Variants in GRIK4 observed in about 807,000 individuals in gnomAD.
The protein encoded by GRIK4 is glutamate receptor ionotropic, kainate 4.
Under a neutral mutation model 104.9 loss-of-function variants are expected in GRIK4, and 40 were observed. The ratio of observed to expected loss-of-function variants is 0.38; its 90% CI spans 0.30 to 0.50. GRIK4 has a LOEUF of 0.50. Ranked by LOEUF, GRIK4 falls within the 20% of genes least tolerant of loss-of-function variation. The probability of loss-of-function intolerance (pLI) is 0.93; values close to 1 mark genes in which losing one functional copy is unlikely to be tolerated. For synonymous variants in GRIK4, 485 were observed against 524.9 expected, an observed-to-expected ratio of 0.92 and a Z score of 1.04; for missense variants, 1,047 against 1,308.1, an observed-to-expected ratio of 0.80 and a Z score of 3.08.
chr11:120,800,087 C>A (rs1468265433), intron 3 of GRIK4, among the ~76,000 whole-genome samples: 1 of 151,838 alleles, frequency 6.6e-6, no homozygotes, highest in Non-Finnish European at 1.5e-5. Context: ...CTCACGACCT[C>A]GGGTGATTCA....
rs535745565 is a variant in GRIK4 at position 120,924,221 on chromosome 11, C to G, written c.1477-16126C>G. On this transcript the variant is annotated intron_variant, in intron 13 of 20. Transcript: ENST00000527524. ...TACCCCTTCTTGAATTAGAAGCCACCCAGATGTGTAAAGAGAGGTGCACAG... is the reference window on the plus strand; with the variant it reads ...TACCCCTTCTTGAATTAGAAGCCACGCAGATGTGTAAAGAGAGGTGCACAG... Among the ~76,000 whole-genome samples the G allele has an allele frequency of 7.2e-5, 11 of 152,206 alleles. 2 individuals carry two copies. The South Asian group carries it at 2.1e-3, about 29-fold the overall frequency.
At chr11:120,845,660 C>G (rs991689096) in intron 8 of GRIK4, among the ~76,000 whole-genome samples, 1 of 151,916 alleles carries the variant, frequency 6.6e-6, no homozygotes, top group Admixed American at 6.6e-5. Flanking sequence ...TACACACACA[C>G]ACACACACAC....
At chr11:120,846,556 AG>A (rs1290127156) in intron 8 of GRIK4, among the ~76,000 whole-genome samples, 2 of 152,204 alleles carry the variant, frequency 1.3e-5, no homozygotes, top group Non-Finnish European at 2.9e-5. Flanking sequence ...TGCCTGGAGC[AG>A]GAGAGTGTGA....
intron 17 of GRIK4, among the ~76,000 whole-genome samples, chr11:120,962,173 G>C (rs533532141): frequency 6.6e-6 from 1 of 152,272 alleles, no homozygotes; most frequent in East Asian, 1.9e-4. Flanking sequence ...AGCTCTTGAG[G>C]GTAGATGAGG....
In GRIK4 at chr11:120,705,773, C is replaced by T. The variant is rs541623444; in HGVS notation, c.82+45373C>T. On this transcript the variant is annotated intron_variant, in intron 3 of 20. Transcript: ENST00000527524. The stretch of plus-strand genomic sequence containing the variant: ...GGTATTTTGTTCTTTTTAACGCTAT[C>T]GTAAATGGAAATATTTCTTAATTTC... Among the ~76,000 whole-genome samples the T allele has an allele frequency of 6.8e-3, 1,041 of 152,236 alleles. 16 individuals carry two copies. The highest frequency in any genetic ancestry group is 0.023 in the African/African-American group (968 of 41,540).
At chr11:120,882,687 A>G (rs759800985) in intron 11 of GRIK4, among the ~76,000 whole-genome samples, 2 of 152,220 alleles carry the variant, frequency 1.3e-5, no homozygotes, top group African/African-American at 2.4e-5. Context: ...AAAATTCTTA[A>G]GAGTTGGAGG....
At chr11:120,722,340 C>G (rs1444588865) in intron 3 of GRIK4, among the ~76,000 whole-genome samples, 1 of 152,084 alleles carries the variant, frequency 6.6e-6, no homozygotes. Flanking sequence ...ATTTTGGGGC[C>G]GGGCGCAGTG....
At chr11:120,618,292 A>G (rs1949140930) in intron 1 of GRIK4, among the ~76,000 whole-genome samples, 1 of 152,238 alleles carries the variant, frequency 6.6e-6, no homozygotes, top group Non-Finnish European at 1.5e-5. Context: ...GTAGCAAAGC[A>G]TTAAAGATGT....
At position 120,953,053 on chromosome 11, in the gene GRIK4, G is replaced by T. The variant is rs995257624; in HGVS notation, c.1700+89G>T. ...TGGGGAGGGGGTGGGGAGGAGGAGA[G>T]GGGGAGGAGGAGTTGGGAAGATCTT... On this transcript the variant is annotated intron_variant, in intron 15 of 20. Coordinates refer to ENST00000527524, the MANE Select transcript of GRIK4 (RefSeq NM_014619.5). This position sits in a 1 kb window ranked among gnomAD's most constrained non-coding sequence, Gnocchi z 4.9. 10 of 803,080 alleles carry T rather than the reference G, an allele frequency of 1.2e-5. No individual in the cohort carries two copies. The Admixed American group carries it at 1.6e-4, about 13-fold the overall frequency. The allele number at this position is 803,080 out of a possible 1,614,324, so 49.7% of individuals were successfully genotyped here.
chr11:120,912,669 A>G (rs998091589), intron 13 of GRIK4, among the ~76,000 whole-genome samples: 1 of 152,206 alleles, frequency 6.6e-6, no homozygotes, highest in East Asian at 1.9e-4. Context: ...CATTAAAGTC[A>G]TGTAGCTTGT....
intron 1 of GRIK4, among the ~76,000 whole-genome samples, chr11:120,575,292 C>T (rs1394470248): frequency 6.6e-6 from 1 of 152,160 alleles, no homozygotes; most frequent in African/African-American, 2.4e-5. Context: ...GTGCTACTAT[C>T]TTTCCATTTA....
chr11:120,875,383 C>T, intron 11 of GRIK4, 140 bp downstream of exon 11: 1 of 648,256 alleles, frequency 1.5e-6, no homozygotes, highest in Non-Finnish European at 2.8e-6. Context: ...TCCTGACCTG[C>T]ACCAGCCTCT....
chr11:120,986,154 G>T lies in GRIK4; in HGVS notation c.2765G>T (p.Cys922Phe). Residue 922 changes from cysteine to phenylalanine, a missense_variant, in exon 21 of 21, where the codon TGC becomes TTC. Cys to Phe is a radical substitution (Grantham distance 205). Transcript: ENST00000527524. ...CGCGGCTGCACGCACATCCGCGTCT[G>T]CCCCGAGTGCCGCCGCTTCCAGGGC... ...VARGCTHIRV[C>F]PECRRFQGLR... 1 of 1,543,180 alleles carries T rather than the reference G, an allele frequency of 6.5e-7. No individual in the cohort carries two copies. Among genetic ancestry groups the T allele is most frequent in the Non-Finnish European group, 8.7e-7 (1 of 1,153,780 alleles).
intron 11 of GRIK4, among the ~76,000 whole-genome samples, chr11:120,879,776 C>T (rs564001017): frequency 7.9e-5 from 12 of 152,258 alleles, no homozygotes; most frequent in East Asian, 3.9e-4. Context: ...TTTGCACATG[C>T]GAGATCTCTG....
Position 120,639,570 on chromosome 11 carries a change from T to TA in GRIK4, c.-158-14114dup, listed in dbSNP as rs1185774340. 2.6e-5 allele frequency among the ~76,000 whole-genome samples: 4 copies of TA among 152,296 alleles called. No individual in the cohort carries two copies. In the East Asian group the frequency reaches 7.7e-4, roughly 29 times the overall value. On this transcript the variant is annotated intron_variant, in intron 1 of 20. Coordinates refer to ENST00000527524, the MANE Select transcript of GRIK4 (RefSeq NM_014619.5). ...TGACTCCATCCTCTAGGCAGGTGCTTAGTCTGGAAGCCTGGAAGGCATCCT... is the reference window on the plus strand; with the variant it reads ...TGACTCCATCCTCTAGGCAGGTGCTTAAGTCTGGAAGCCTGGAAGGCATCCT...
At chr11:120,965,946 G>T (rs1944376239) in intron 18 of GRIK4, among the ~76,000 whole-genome samples, 1 of 152,154 alleles carries the variant, frequency 6.6e-6, no homozygotes, top group Non-Finnish European at 1.5e-5. Context: ...AGCCTTCATG[G>T]AGTTTGAGCA....
At chr11:120,851,317 C>T (rs994450812) in intron 8 of GRIK4, among the ~76,000 whole-genome samples, 2 of 152,188 alleles carry the variant, frequency 1.3e-5, no homozygotes. Flanking sequence ...TTCTGGGGCT[C>T]TGCACATGCT....
chr11:120,551,296 C>A (rs1376105499), intron 1 of GRIK4, among the ~76,000 whole-genome samples: 1 of 152,180 alleles, frequency 6.6e-6, no homozygotes. Context: ...TGTCTCTGAC[C>A]TTCTCCTGCC....
chr11:120,778,668 A>G (rs867931658), intron 3 of GRIK4, among the ~76,000 whole-genome samples: 1 of 152,258 alleles, frequency 6.6e-6, no homozygotes, highest in African/African-American at 2.4e-5. Flanking sequence ...ATGCTGAGAA[A>G]TGAAGGCCAC....
Sources: allele counts gnomAD v4.1 joint callset (sites outside exome capture counted in the v4.1 genomes callset), GRCh38; gene constraint gnomAD v4.1.1; non-coding constraint Gnocchi (gnomAD v3.1); transcripts MANE v1.5; gene names NCBI Gene and HGNC (gene_info 2026-07-23, HGNC 2026-07-21).